Variants in RBFOX1 observed in about 807,000 individuals in gnomAD.
RBFOX1 encodes the protein RNA binding protein fox-1 homolog 1.
RBFOX1 carries 8 observed loss-of-function variants against 57.7 expected under a neutral mutation model. That is an observed-to-expected ratio of 0.14 (90% CI 0.08 to 0.25). The LOEUF is 0.25. Among genes scored for constraint, RBFOX1 ranks in the 10% least tolerant of loss-of-function variants. RBFOX1 has a pLI of 1.00. For synonymous variants in RBFOX1, 326 were observed against 222.4 expected, an observed-to-expected ratio of 1.47 and a Z score of -4.15; for missense variants, 611 against 548.5, an observed-to-expected ratio of 1.11 and a Z score of -1.14.
Position 7,712,226 on chromosome 16 carries a change from T to A in RBFOX1, c.*1481T>A, listed in dbSNP as rs2084103271. ...CGGGTCTTCCTGTTTTGTATTTAAA[T>A]AAAAACAACAGCAGCAGGCTGTCCC... On this transcript the variant is annotated 3_prime_UTR_variant, in exon 16 of 16. Coordinates refer to ENST00000550418, the MANE Select transcript of RBFOX1 (RefSeq NM_018723.4). The A allele has an allele frequency of 6.6e-6, 1 of 152,588 alleles. No homozygotes were observed. Among genetic ancestry groups the A allele is most frequent in the Non-Finnish European group, 1.5e-5 (1 of 68,054 alleles). The allele number at this position is 152,588 out of a possible 1,614,324, so 9.5% of individuals were successfully genotyped here.
At chr16:6,400,900 C>T (rs1205775044) in intron 2 of RBFOX1, among the ~76,000 whole-genome samples, 1 of 152,134 alleles carries the variant, frequency 6.6e-6, no homozygotes, top group Non-Finnish European at 1.5e-5. Context: ...AACATACACA[C>T]AAAATCAGCA....
chr16:5,320,604 G>T (rs936350765), intron 1 of RBFOX1, among the ~76,000 whole-genome samples: 1 of 152,240 alleles, frequency 6.6e-6, no homozygotes, highest in African/African-American at 2.4e-5. Context: ...TCAGAGAGAA[G>T]TTCTCCTAAC....
At chr16:6,803,401 C>T (rs973631713) in intron 3 of RBFOX1, among the ~76,000 whole-genome samples, 6 of 152,108 alleles carry the variant, frequency 3.9e-5, no homozygotes, top group African/African-American at 1.4e-4. Context: ...GGAAACCTTT[C>T]CCAGTGAAGG....
At chr16:5,604,550 A>G (rs532990747), downstream of RBFOX1, among the ~76,000 whole-genome samples, 10 of 152,290 alleles carry the variant, frequency 6.6e-5, no homozygotes, top group African/African-American at 2.2e-4. Context: ...AGTGCATGTT[A>G]GCAACATGGA....
At chr16:6,085,797 T>G (rs980850910) in intron 1 of RBFOX1, among the ~76,000 whole-genome samples, 3 of 152,184 alleles carry the variant, frequency 2.0e-5, no homozygotes, top group African/African-American at 7.2e-5. Context: ...CTCCATCTTA[T>G]CTCTGTAAAA....
At chr16:6,937,437 G>T (rs56345406) in intron 3 of RBFOX1, among the ~76,000 whole-genome samples, 2 of 152,054 alleles carry the variant, frequency 1.3e-5, no homozygotes, top group African/African-American at 2.4e-5. Context: ...TGGCCATTCA[G>T]ATGTCAATGA....
At chr16:6,676,148 A>ATG (rs2057631938) in intron 3 of RBFOX1, among the ~76,000 whole-genome samples, 2 of 54,022 alleles carry the variant, frequency 3.7e-5, no homozygotes, top group South Asian at 6.2e-4. Flanking sequence ...ACGCGCACAC[A>ATG]CACACACACA....
rs565138880 is a variant in RBFOX1, at chr16:6,821,863, T to G, written c.-16+167213T>G. Among the ~76,000 whole-genome samples, 16 of 152,290 alleles carry G rather than the reference T, an allele frequency of 1.1e-4. No homozygotes were observed. In the South Asian group the frequency reaches 3.3e-3, roughly 32 times the overall value. The stretch of plus-strand genomic sequence containing the variant: ...TGCAGGCACTTGTCTGTTTTCAATT[T>G]TTGTGGGTATATACCTAGGCATGAA... On this transcript the variant is annotated intron_variant, in intron 3 of 15. Coordinates refer to ENST00000550418, the MANE Select transcript of RBFOX1 (RefSeq NM_018723.4).
chr16:5,335,772 C>A (rs181650414), intron 1 of RBFOX1, among the ~76,000 whole-genome samples: 114 of 152,288 alleles, frequency 7.5e-4, no homozygotes, highest in African/African-American at 2.4e-3. Flanking sequence ...GCCAGCATAA[C>A]CACCTGGTAC....
chr16:7,670,425 T>C (rs540953885), intron 13 of RBFOX1, among the ~76,000 whole-genome samples: 1 of 151,954 alleles, frequency 6.6e-6, no homozygotes, highest in East Asian at 1.9e-4. Flanking sequence ...GACTACTGAG[T>C]TTAATGCTGA....
At chr16:6,749,170 AG>A (rs1253600348) in intron 3 of RBFOX1, among the ~76,000 whole-genome samples, 3 of 152,212 alleles carry the variant, frequency 2.0e-5, no homozygotes, top group African/African-American at 7.2e-5. Context: ...TTATGGTCTC[AG>A]GCAGATCTGA....
At chr16:5,435,809 C>T (rs1000001954) in intron 1 of RBFOX1, among the ~76,000 whole-genome samples, 1 of 152,244 alleles carries the variant, frequency 6.6e-6, no homozygotes, top group Admixed American at 6.5e-5. Context: ...GATCACATAG[C>T]ATTCCACTGT....
At chr16:6,644,827 G>A (rs2098520652) in intron 2 of RBFOX1, among the ~76,000 whole-genome samples, 1 of 152,158 alleles carries the variant, frequency 6.6e-6, no homozygotes, top group African/African-American at 2.4e-5. Flanking sequence ...ACTAAGCGGA[G>A]GTGGCCTCTG....
intron 3 of RBFOX1, among the ~76,000 whole-genome samples, chr16:7,017,357 G>A (rs925737732): frequency 1.3e-5 from 2 of 152,136 alleles, no homozygotes; most frequent in African/African-American, 4.8e-5. Context: ...ATATTTAAAT[G>A]CAGTGCTAAC....
At chr16:7,057,029 G>GA (rs36083057) in intron 4 of RBFOX1, among the ~76,000 whole-genome samples, 4,893 of 136,442 alleles carry the variant, frequency 0.036, 160 homozygotes, top group African/African-American at 0.09. Context: ...TTAAAGCACT[G>GA]AAAAAAAAAA....
intron 3 of RBFOX1, among the ~76,000 whole-genome samples, chr16:5,772,747 T>A (rs2054022512): frequency 6.6e-6 from 1 of 152,138 alleles, no homozygotes; most frequent in Non-Finnish European, 1.5e-5. Context: ...AGTATCTCTG[T>A]CCTTGTGGAG....
intron 1 of RBFOX1, among the ~76,000 whole-genome samples, chr16:5,448,835 C>A (rs533936935): frequency 1.1e-4 from 16 of 152,306 alleles, no homozygotes; most frequent in Non-Finnish European, 2.2e-4. Flanking sequence ...AGGAGGAAAG[C>A]AGATAAAGAT....
rs895660606 is a variant in RBFOX1, at chr16:5,906,647, C to G, written c.351+39312C>G. On this transcript the variant is annotated intron_variant, in intron 4 of 19. Coordinates refer to the RBFOX1 transcript ENST00000641259. ...GACTGGGAGTCGGGACATGTGTACT[C>G]TAACTTAACAGAGGGTTGGCTGCTG... Among the ~76,000 whole-genome samples, 9 of 150,588 alleles carry G rather than the reference C, an allele frequency of 6.0e-5. No homozygotes were observed. In the East Asian group the frequency reaches 1.0e-3, roughly 17 times the overall value.
intron 3 of RBFOX1, among the ~76,000 whole-genome samples, chr16:5,784,734 T>G (rs748514794): frequency 1.3e-5 from 2 of 152,092 alleles, no homozygotes; most frequent in Non-Finnish European, 2.9e-5. Flanking sequence ...ATGGTGTCCT[T>G]ATGAATTGGA....
Sources: gnomAD v4.1 joint callset for allele counts (sites outside exome capture counted in the v4.1 genomes callset) on GRCh38, gnomAD v4.1.1 for gene constraint, MANE v1.5 for transcripts, NCBI Gene and HGNC (gene_info 2026-07-23, HGNC 2026-07-21) for gene names.